Variants in RBM46 observed in about 807,000 individuals in gnomAD.
RBM46 encodes RNA binding motif protein 46, also known as probable RNA-binding protein 46.
RBM46 carries 12 observed loss-of-function variants against 43.3 expected under a neutral mutation model. The ratio of observed to expected loss-of-function variants is 0.28; its 90% CI spans 0.18 to 0.45. The LOEUF (loss-of-function observed/expected upper bound fraction) is 0.45, where lower values mean the gene tolerates loss of function less well. Among genes scored for constraint, RBM46 ranks in the 20% least tolerant of loss-of-function variants. The probability of loss-of-function intolerance (pLI) is 1.00; values close to 1 mark genes in which losing one functional copy is unlikely to be tolerated. For missense variants in RBM46, 412 were observed against 639.1 expected (o/e 0.64, Z 3.83); for synonymous variants, 205 against 207.6 (o/e 0.99, Z 0.11).
chr4:154,793,331 G>T (rs1734193997), intron 1 of RBM46, among the ~76,000 whole-genome samples: 2 of 152,048 alleles, frequency 1.3e-5, no homozygotes, highest in Admixed American at 6.6e-5. Context: ...ACATTCTTAT[G>T]CTTATATCTT....
intron 1 of RBM46, chr4:154,790,156 G>T (rs1433606646): frequency 2.0e-5 from 3 of 151,980 alleles, no homozygotes; most frequent in African/African-American, 7.3e-5. Context: ...AGGTTTTTTT[G>T]TGTCTCTATC....
chr4:154,795,974 G>A lies in RBM46; in HGVS notation c.-11-768G>A, dbSNP rs535441478. ...GGAGTTTGAGACCAGCCTGGGCAAC[G>A]TGGTGAAACCCAGTCTCTACACACA... On this transcript the variant is annotated intron_variant, in intron 1 of 4. Coordinates refer to ENST00000281722, the MANE Select transcript of RBM46 (RefSeq NM_144979.5). 4.4e-4 allele frequency among the ~76,000 whole-genome samples: 67 copies of A among 152,036 alleles called. 2 individuals carry two copies. Among genetic ancestry groups the A allele is most frequent in the Admixed American group, 4.0e-3 (61 of 15,256 alleles).
intron 4 of RBM46, among the ~76,000 whole-genome samples, chr4:154,824,090 CT>C (rs34202228): frequency 0.17 from 24,475 of 144,904 alleles, 2,444 homozygotes; most frequent in East Asian, 0.43. Flanking sequence ...CAGTTGTTCT[CT>C]TTTTTTTTTT....
At chr4:154,805,529 T>C (rs141652524) in intron 4 of RBM46, among the ~76,000 whole-genome samples, 12 of 152,200 alleles carry the variant, frequency 7.9e-5, no homozygotes, top group African/African-American at 2.9e-4. Flanking sequence ...TGTTAGCTTA[T>C]CCTTTTTTTC....
At chr4:154,797,666 C>A in intron 2 of RBM46, 145 bp from the exon 3 acceptor site, 1 of 503,704 alleles carries the variant, frequency 2.0e-6, no homozygotes, top group Non-Finnish European at 3.4e-6. Flanking sequence ...AGGGAAGGGG[C>A]TTTATTTTGT....
chr4:154,798,422 C>G (rs995742091), intron 3 of RBM46, 144 bp downstream of exon 3: 2 of 605,576 alleles, frequency 3.3e-6, no homozygotes, highest in Non-Finnish European at 5.4e-6. Flanking sequence ...AAATAAATTA[C>G]ATGATTCTAA....
At chr4:154,826,652 C>A in intron 4 of RBM46, 1 of 638,282 alleles carries the variant, frequency 1.6e-6, no homozygotes, top group Non-Finnish European at 2.7e-6. Context: ...TCTTATGGTA[C>A]CATTCATAAA....
chr4:154,782,223 A>G (rs1733522297), intron 1 of RBM46, among the ~76,000 whole-genome samples: 1 of 152,190 alleles, frequency 6.6e-6, no homozygotes, highest in African/African-American at 2.4e-5. Flanking sequence ...TAATTTAAAA[A>G]TGTTTCTTTG....
chr4:154,786,993 A>G (rs907893195), intron 1 of RBM46: 1 of 152,182 alleles, frequency 6.6e-6, no homozygotes, highest in African/African-American at 2.4e-5. Context: ...TATAAATGAG[A>G]TAGTACTTAT....
intron 1 of RBM46, among the ~76,000 whole-genome samples, chr4:154,793,403 T>G (rs1426893744): frequency 6.6e-6 from 1 of 152,210 alleles, no homozygotes; most frequent in African/African-American, 2.4e-5. Flanking sequence ...TATATGTGTA[T>G]TTTAGATTTT....
chr4:154,800,446 T>G (rs1004734688), intron 4 of RBM46, among the ~76,000 whole-genome samples: 1 of 152,232 alleles, frequency 6.6e-6, no homozygotes, highest in Admixed American at 6.5e-5. Flanking sequence ...TTCATGTTTT[T>G]CAAAAAGTAA....
chr4:154,788,487 A>G (rs1024893387), intron 1 of RBM46, among the ~76,000 whole-genome samples: 1 of 152,188 alleles, frequency 6.6e-6, no homozygotes, highest in African/African-American at 2.4e-5. Context: ...GTCAAAGATC[A>G]GATGGTTGTA....
chr4:154,794,379 A>G (rs1169244142), intron 1 of RBM46, among the ~76,000 whole-genome samples: 1 of 151,680 alleles, frequency 6.6e-6, no homozygotes, highest in Admixed American at 6.6e-5. Flanking sequence ...ACGGGGTTTC[A>G]CCGTGTTAGC....
At chr4:154,817,331 CTTTTT>C (rs58860836) in intron 4 of RBM46, among the ~76,000 whole-genome samples, 17 of 126,392 alleles carry the variant, frequency 1.3e-4, no homozygotes, top group Middle Eastern at 4.0e-3. Flanking sequence ...TTTTCTCTTT[CTTTTT>C]TTTTTTTTTT....
intron 4 of RBM46, among the ~76,000 whole-genome samples, chr4:154,826,239 C>T (rs1735956170): frequency 3.3e-5 from 5 of 151,816 alleles, no homozygotes; most frequent in Admixed American, 2.6e-4. Flanking sequence ...GGGTGGATCA[C>T]TTGAGGTCAG....
chr4:154,790,584 G>T (rs1283750633), intron 1 of RBM46: 6 of 152,026 alleles, frequency 3.9e-5, no homozygotes, highest in Non-Finnish European at 7.4e-5. Flanking sequence ...GAATTATCAG[G>T]GCCCAGATTG....
intron 4 of RBM46, among the ~76,000 whole-genome samples, chr4:154,819,156 G>A (rs1378863053): frequency 3.3e-5 from 5 of 152,250 alleles, no homozygotes; most frequent in East Asian, 3.9e-4. Flanking sequence ...AGGCTAGCAC[G>A]ATGTTATATT....
intron 4 of RBM46, among the ~76,000 whole-genome samples, chr4:154,804,923 T>A (rs991447543): frequency 1.3e-5 from 2 of 152,048 alleles, no homozygotes; most frequent in Non-Finnish European, 2.9e-5. Context: ...ATTGTTTTTT[T>A]GTTTAAGGAG....
chr4:154,827,309 A>G (rs2111229476), intron 4 of RBM46: 1 of 950,016 alleles, frequency 1.1e-6, no homozygotes, highest in African/African-American at 1.8e-5. Flanking sequence ...GTTTTATCAT[A>G]CCAGTAGGAC....
Sources: allele counts gnomAD v4.1 joint callset (sites outside exome capture counted in the v4.1 genomes callset), GRCh38; gene constraint gnomAD v4.1.1; transcripts MANE v1.5; gene names NCBI Gene and HGNC (gene_info 2026-07-23, HGNC 2026-07-21).